Variants in DIPK1C observed in about 807,000 individuals in gnomAD.
DIPK1C encodes the protein familial non-conventional Alzheimer's dementia.
Under a neutral mutation model 28.0 loss-of-function variants are expected in DIPK1C, and 33 were observed. The ratio of observed to expected loss-of-function variants is 1.18; its 90% CI spans 0.89 to 1.58. The LOEUF is 1.58. Among genes scored for constraint, DIPK1C ranks in the 40% most tolerant of loss-of-function variants. The pLI is 0.00. For missense variants in DIPK1C, 569 were observed against 568.5 expected (o/e 1.00, Z -0.01); for synonymous variants, 255 against 248.8 (o/e 1.02, Z -0.23).
At chr18:74,450,751 G>A (rs1024472217) in intron 1 of DIPK1C, among the ~76,000 whole-genome samples, 12 of 152,246 alleles carry the variant, frequency 7.9e-5, no homozygotes, top group African/African-American at 2.9e-4. Context: ...GCCTGGATGG[G>A]CCACCATCTG....
rs1217121806 is a variant in DIPK1C at position 74,436,216 on chromosome 18, G to T, written c.*285C>A. ...ACCAGGTACAAGTGCTCTCTGCAGAGAATAAGTGCACACAGGTTGGTGTCT... is the reference window on the plus strand; with the variant it reads ...ACCAGGTACAAGTGCTCTCTGCAGATAATAAGTGCACACAGGTTGGTGTCT... On this transcript the variant is annotated 3_prime_UTR_variant, in exon 4 of 4. Transcript: ENST00000343998. 14 of 455,206 alleles carry T rather than the reference G, an allele frequency of 3.1e-5. No homozygotes were observed. The East Asian group carries it at 4.8e-4, about 16-fold the overall frequency. The allele number at this position is 455,206 out of a possible 1,614,324, so 28.2% of individuals were successfully genotyped here.
In DIPK1C at chr18:74,436,734, G is replaced by A; in HGVS notation, c.1042-15C>T. ...TCACAGATGACCTGAGGGAAAGAAGGGTGGACAGTTAATTTAGGGCAGCAA... is the reference window on the plus strand; with the variant it reads ...TCACAGATGACCTGAGGGAAAGAAGAGTGGACAGTTAATTTAGGGCAGCAA... On this transcript the variant is annotated splice_polypyrimidine_tract_variant and intron_variant, in intron 3 of 3. Transcript: ENST00000343998. 1 of 1,596,404 alleles carries A rather than the reference G, an allele frequency of 6.3e-7. No homozygotes were observed. The highest frequency in any genetic ancestry group is 1.1e-5 in the South Asian group (1 of 88,530).
At position 74,436,223 on chromosome 18, in the gene DIPK1C, T is replaced by C; in HGVS notation, c.*278A>G. The stretch of plus-strand genomic sequence containing the variant: ...ACAAGTGCTCTCTGCAGAGAATAAG[T>C]GCACACAGGTTGGTGTCTTCTGACC... On this transcript the variant is annotated 3_prime_UTR_variant, in exon 4 of 4. Transcript: ENST00000343998. 1 of 473,250 alleles carries C rather than the reference T, an allele frequency of 2.1e-6. No homozygotes were observed. The highest frequency in any genetic ancestry group is 3.8e-6 in the Non-Finnish European group (1 of 266,356). 29.3% of individuals were successfully genotyped at this position (473,250 alleles called of 1,614,324 possible). A position where few individuals can be genotyped will look rare whatever the true frequency, so the allele number is the denominator to read the frequency against.
rs981007479 is a variant in DIPK1C at position 74,436,073 on chromosome 18, G to A, written c.*428C>T. The A allele has an allele frequency of 3.8e-5, 8 of 211,102 alleles. No individual in the cohort carries two copies. Among genetic ancestry groups the A allele is most frequent in the East Asian group, 1.3e-4 (1 of 7,966 alleles). 13.1% of individuals were successfully genotyped at this position (211,102 alleles called of 1,614,324 possible). A position where few individuals can be genotyped will look rare whatever the true frequency, so the allele number is the denominator to read the frequency against. ...GACACTCATGGGCACACTCACACAT[G>A]CTCACATGCTCATTTGCACCCAGAC... is the stretch of plus-strand genomic sequence containing the variant. On this transcript the variant is annotated 3_prime_UTR_variant, in exon 4 of 4. Transcript: ENST00000343998.
At chr18:74,437,320 A>G (rs756053626) in intron 3 of DIPK1C, among the ~76,000 whole-genome samples, 1 of 152,238 alleles carries the variant, frequency 6.6e-6, no homozygotes, top group Non-Finnish European at 1.5e-5. Flanking sequence ...AGGCTCTTTG[A>G]AGGCTCTGTG....
intron 3 of DIPK1C, among the ~76,000 whole-genome samples, chr18:74,441,148 C>T (rs1297637134): frequency 6.6e-6 from 1 of 152,176 alleles, no homozygotes; most frequent in Non-Finnish European, 1.5e-5. Flanking sequence ...TCACATTGGC[C>T]TTTCAGGTTT....
intron 2 of DIPK1C, among the ~76,000 whole-genome samples, chr18:74,444,282 G>T (rs528649623): frequency 5.3e-5 from 8 of 152,276 alleles, no homozygotes; most frequent in South Asian, 2.1e-4. Context: ...GATCATGAAG[G>T]TTCCTAGTTA....
At chr18:74,443,210 T>G (rs775601693) in intron 2 of DIPK1C, among the ~76,000 whole-genome samples, 10 of 152,112 alleles carry the variant, frequency 6.6e-5, no homozygotes, top group Non-Finnish European at 1.2e-4. Flanking sequence ...GAGAATAACT[T>G]CTAAATTATG....
chr18:74,436,772 G>T (rs1986005833), intron 3 of DIPK1C, 53 bp from the exon 4 acceptor site: 2 of 1,484,538 alleles, frequency 1.3e-6, no homozygotes, highest in South Asian at 1.3e-5. Flanking sequence ...CCTCCTAAAA[G>T]CTTCCCAAGC....
rs553331603 is a variant in DIPK1C, at chr18:74,436,958, G to A, written c.1042-239C>T. Among the ~76,000 whole-genome samples, 10 of 152,116 alleles carry A rather than the reference G, an allele frequency of 6.6e-5. No individual in the cohort carries two copies. In the East Asian group the frequency reaches 1.7e-3, roughly 26 times the overall value. On this transcript the variant is annotated intron_variant, in intron 3 of 3. Coordinates refer to ENST00000343998, the MANE Select transcript of DIPK1C (RefSeq NM_001044369.3). ...GAGGAGAAGCCAACATCTGTGTGAGGCAGAAACTTCCCTTTCCAGCCCCCT... is the reference window on the plus strand; with the variant it reads ...GAGGAGAAGCCAACATCTGTGTGAGACAGAAACTTCCCTTTCCAGCCCCCT...
chr18:74,464,241 G>A, the DIPK1C span, among the ~76,000 whole-genome samples: 91 of 152,218 alleles, frequency 6.0e-4, 1 homozygote, highest in Non-Finnish European at 1.1e-3. Flanking sequence ...CTCAAACCCA[G>A]TACTCCTGGG....
At chr18:74,461,133 G>T (rs1986609938), upstream of DIPK1C, among the ~76,000 whole-genome samples, 3 of 152,166 alleles carry the variant, frequency 2.0e-5, no homozygotes, top group South Asian at 2.1e-4. Flanking sequence ...GTGGGCCAAG[G>T]CACAGGATCC....
At chr18:74,445,219 T>G (rs1599037740) in intron 2 of DIPK1C, among the ~76,000 whole-genome samples, 1 of 152,034 alleles carries the variant, frequency 6.6e-6, no homozygotes, top group Admixed American at 6.5e-5. Context: ...CTGTGGGTCG[T>G]TTCCCCCCAA....
At chr18:74,451,865 CT>C (rs1339929202) in intron 1 of DIPK1C, among the ~76,000 whole-genome samples, 2 of 152,196 alleles carry the variant, frequency 1.3e-5, no homozygotes, top group African/African-American at 4.8e-5. Flanking sequence ...GCACACAGCT[CT>C]TCCTCAACTT....
intron 1 of DIPK1C, among the ~76,000 whole-genome samples, chr18:74,453,435 A>G (rs2059579): frequency 0.77 from 116,649 of 152,154 alleles, 45,010 homozygotes; most frequent in East Asian, 0.99. Flanking sequence ...TTCAGGCAGA[A>G]CCATTCGCTG....
In DIPK1C at chr18:74,442,042, T is replaced by C; in HGVS notation, c.951A>G (p.Gly317=). 2 of 1,614,190 alleles carry C rather than the reference T, an allele frequency of 1.2e-6. No individual in the cohort carries two copies. The highest frequency in any genetic ancestry group is 1.7e-6 in the Non-Finnish European group (2 of 1,180,028). The change falls in exon 3 of 4, where the codon GGA becomes GGG. Residue 317 remains glycine, a synonymous_variant. Transcript: ENST00000343998. ...MREILEQNCT[G]DEDCNFFDCF... is the part of the protein sequence containing the mutation. ...AGTCAAAGAAATTGCAGTCTTCATCTCCTGTGCAGTTTTGCTCAAGGATTT... is the reference window on the plus strand; with the variant it reads ...AGTCAAAGAAATTGCAGTCTTCATCCCCTGTGCAGTTTTGCTCAAGGATTT...
chr18:74,443,116 A>T (rs1389731455), intron 2 of DIPK1C, among the ~76,000 whole-genome samples: 1 of 152,222 alleles, frequency 6.6e-6, no homozygotes, highest in Non-Finnish European at 1.5e-5. Context: ...CCTGAGTTCC[A>T]CTGTCATTGT....
intron 3 of DIPK1C, among the ~76,000 whole-genome samples, chr18:74,440,046 G>A (rs995142193): frequency 2.0e-5 from 3 of 150,698 alleles, no homozygotes; most frequent in South Asian, 4.2e-4. Context: ...CCGGGTTCAC[G>A]CCATTCTCCT....
chr18:74,446,812 A>G lies in DIPK1C; in HGVS notation c.670T>C (p.Phe224Leu), dbSNP rs1986274074. The G allele has an allele frequency of 1.3e-6, 2 of 1,488,196 alleles. No homozygotes were observed. Among genetic ancestry groups the G allele is most frequent in the Non-Finnish European group, 1.8e-6 (2 of 1,115,574 alleles). The allele number at this position is 1,488,196 out of a possible 1,614,324, so 92.2% of individuals were successfully genotyped here. ...GSCGHFYAVE[F>L]LAAGSPHHRA... ...TGGTGGGGGCTGCCCGCGGCCAGGA[A>G]CTCCACCGCGTAGAAGTGGCCGCAG... Residue 224 changes from phenylalanine (F) to leucine (L), a missense_variant, in exon 2 of 4, where the codon TTC (phenylalanine) becomes CTC (leucine). By Grantham distance (22) the Phe-to-Leu change is conservative (BLOSUM62 0). Coordinates refer to ENST00000343998, the MANE Select transcript of DIPK1C (RefSeq NM_001044369.3).
Sources: gnomAD v4.1 joint callset for allele counts (sites outside exome capture counted in the v4.1 genomes callset) on GRCh38, gnomAD v4.1.1 for gene constraint, MANE v1.5 for transcripts, NCBI Gene and HGNC (gene_info 2026-07-23, HGNC 2026-07-21) for gene names.